Variants in TOX3 observed in about 807,000 individuals in gnomAD.
TOX3 encodes the protein CAG trinucleotide repeat-containing gene F9 protein.
Under a neutral mutation model 64.3 loss-of-function variants are expected in TOX3, and 22 were observed. The observed-to-expected ratio is 0.34, with a 90% CI of 0.24 to 0.49. The LOEUF is 0.49. Among genes scored for constraint, TOX3 ranks in the 20% least tolerant of loss-of-function variants. The pLI is 0.99. For missense variants in TOX3, 661 were observed against 714.4 expected (o/e 0.93, Z 0.85); for synonymous variants, 291 against 273.6 (o/e 1.06, Z -0.63).
chr16:52,475,301 T>A (rs892280327), intron 1 of TOX3, among the ~76,000 whole-genome samples: 1 of 152,168 alleles, frequency 6.6e-6, no homozygotes, highest in African/African-American at 2.4e-5. Flanking sequence ...AATGAATTTC[T>A]GGGTGCAAAA....
At position 52,464,068 on chromosome 16, in the gene TOX3, T is replaced by A; in HGVS notation, c.274A>T (p.Ser92Cys). 1 of 1,604,096 alleles carries A rather than the reference T, an allele frequency of 6.2e-7. No homozygotes were observed. Among genetic ancestry groups the A allele is most frequent in the South Asian group, 1.1e-5 (1 of 88,846 alleles). Reference sequence around the variant, plus strand: ...CTTCCCTGGGAAGGCAATGGATCGCTGAGGGCTTGAAAGGGTAGCAGTACA... The same window carrying A: ...CTTCCCTGGGAAGGCAATGGATCGCAGAGGGCTTGAAAGGGTAGCAGTACA... ...PDVLLPFQAL[S>C]DPLPSQGSEF... The change falls in exon 3 of 7, where the codon AGC becomes TGC. Residue 92 changes from serine to cysteine, a missense_variant. Ser to Cys is a moderately radical substitution (Grantham distance 112, BLOSUM62 -1). Transcript: ENST00000219746.
In TOX3 at chr16:52,439,138, C is replaced by A; in HGVS notation, c.*87G>T. ...CTGTTACACATTTCTGCATAACCAA[C>A]ACCAACTTACAGGTTTCAGCCACAT... On this transcript the variant is annotated 3_prime_UTR_variant, in exon 7 of 7. Transcript: ENST00000219746. 1 of 1,579,726 alleles carries A rather than the reference C, an allele frequency of 6.3e-7. No homozygotes were observed. The highest frequency in any genetic ancestry group is 8.6e-7 in the Non-Finnish European group (1 of 1,160,916).
intron 1 of TOX3, among the ~76,000 whole-genome samples, chr16:52,510,050 C>T (rs1962261144): frequency 7.3e-5 from 11 of 151,264 alleles, no homozygotes; most frequent in Admixed American, 7.3e-4. Flanking sequence ...CAGCTCTATT[C>T]TTTCATTCCC....
Position 52,438,938 on chromosome 16 carries a change from C to G in TOX3, c.*287G>C, listed in dbSNP as rs372022963. ...TCAGTATGTCCCAGGATTCATTAAACAGTTTGATTCACATATTGTAGGTAT... is the reference window on the plus strand; with the variant it reads ...TCAGTATGTCCCAGGATTCATTAAAGAGTTTGATTCACATATTGTAGGTAT... On this transcript the variant is annotated 3_prime_UTR_variant, in exon 7 of 7. Coordinates refer to ENST00000219746, the MANE Select transcript of TOX3 (RefSeq NM_001080430.4). The G allele has an allele frequency of 1.7e-6, 1 of 578,230 alleles. No individual in the cohort carries two copies. Among genetic ancestry groups the G allele is most frequent in the Non-Finnish European group, 3.3e-6 (1 of 299,758 alleles). 35.8% of individuals were successfully genotyped at this position (578,230 alleles called of 1,614,324 possible). A position where few individuals can be genotyped will look rare whatever the true frequency, so the allele number is the denominator to read the frequency against.
chr16:52,453,256 T>C (rs1365947937), intron 3 of TOX3, among the ~76,000 whole-genome samples: 1 of 151,508 alleles, frequency 6.6e-6, no homozygotes, highest in Non-Finnish European at 1.5e-5. Context: ...CCATCTCGGC[T>C]CACTGCAACC....
In TOX3 at chr16:52,546,845, C is replaced by A. The variant is rs1963207723; in HGVS notation, c.-122G>T. The A allele has an allele frequency of 3.2e-6, 4 of 1,234,754 alleles. No homozygotes were observed. The highest frequency in any genetic ancestry group is 3.0e-6 in the Non-Finnish European group (3 of 988,460). 76.5% of individuals were successfully genotyped at this position (1,234,754 alleles called of 1,614,324 possible). On this transcript the variant is annotated 5_prime_UTR_variant, in exon 1 of 7. Transcript: ENST00000219746. Reference sequence around the variant, plus strand: ...GGGGGTGGCGCGTGGGACTCGCGGCCGGAGGGGCGCCGGGACCCAGAGCCC... The same window carrying A: ...GGGGGTGGCGCGTGGGACTCGCGGCAGGAGGGGCGCCGGGACCCAGAGCCC...
At chr16:52,507,465 C>T (rs551107335) in intron 1 of TOX3, among the ~76,000 whole-genome samples, 35 of 152,262 alleles carry the variant, frequency 2.3e-4, no homozygotes, top group Non-Finnish European at 4.6e-4. Flanking sequence ...CTGCAGGCTA[C>T]GTGACTTAAA....
intron 6 of TOX3, among the ~76,000 whole-genome samples, chr16:52,440,197 A>G (rs1959921472): frequency 1.3e-5 from 2 of 152,066 alleles, no homozygotes; most frequent in Non-Finnish European, 2.9e-5. Context: ...GGCTAACAGA[A>G]TGTGATGACA....
At chr16:52,491,946 C>T (rs1048761434) in intron 1 of TOX3, among the ~76,000 whole-genome samples, 28 of 151,996 alleles carry the variant, frequency 1.8e-4, no homozygotes, top group African/African-American at 4.8e-4. Flanking sequence ...GATGAAGCTG[C>T]GCTCGGGGCT....
intron 1 of TOX3, among the ~76,000 whole-genome samples, chr16:52,532,775 A>T (rs1294164917): frequency 1.3e-5 from 2 of 152,224 alleles, no homozygotes; most frequent in African/African-American, 2.4e-5. Flanking sequence ...GGAAAGCTGT[A>T]GACAAGACAA....
At chr16:52,456,191 C>T (rs1005090802) in intron 3 of TOX3, among the ~76,000 whole-genome samples, 1 of 152,194 alleles carries the variant, frequency 6.6e-6, no homozygotes, top group African/African-American at 2.4e-5. Context: ...AAGTTTAAAG[C>T]ATGGTATATA....
At chr16:52,504,164 T>A (rs12934513) in intron 1 of TOX3, among the ~76,000 whole-genome samples, 24,593 of 152,132 alleles carry the variant, frequency 0.16, 2,310 homozygotes, top group Middle Eastern at 0.25. Context: ...TATTTTCCCA[T>A]AAGAAGTTCA....
chr16:52,478,370 A>G (rs559254758), intron 1 of TOX3, among the ~76,000 whole-genome samples: 1 of 152,082 alleles, frequency 6.6e-6, no homozygotes, highest in African/African-American at 2.4e-5. Flanking sequence ...TTCTATCCCT[A>G]CTTTACGCAG....
At chr16:52,455,672 A>G (rs1960493431) in intron 3 of TOX3, among the ~76,000 whole-genome samples, 1 of 152,176 alleles carries the variant, frequency 6.6e-6, no homozygotes, top group Non-Finnish European at 1.5e-5. Context: ...CAAAAAAGAT[A>G]GTATTTGAGC....
intron 1 of TOX3, among the ~76,000 whole-genome samples, chr16:52,472,194 T>C (rs1961069079): frequency 6.6e-6 from 1 of 152,114 alleles, no homozygotes. Flanking sequence ...CAACAAATAT[T>C]TATGTGCCTA....
Position 52,546,687 on chromosome 16 carries a change from G to A in TOX3, c.37C>T (p.Pro13Ser). The change falls in exon 1 of 7, where the codon CCT (proline) becomes TCT (serine). Residue 13 changes from proline (P) to serine (S), a missense_variant. Pro to Ser is a moderately conservative substitution (Grantham distance 74). Around this residue, in one of 3 missense-constraint regions of TOX3, gnomAD observed 259 missense variants for 261.2 expected, o/e 0.99. Coordinates refer to ENST00000219746, the MANE Select transcript of TOX3 (RefSeq NM_001080430.4). The part of the protein sequence containing the change: ...VRFYPAAAGD[P>S]ASLDFAQCLG... ...CACTGCGCGAAGTCCAGGCTGGCAG[G>A]GTCCCCGGCCGCCGCGGGGTAGAAC... The A allele has an allele frequency of 2.6e-6, 4 of 1,542,808 alleles. No homozygotes were observed. Among genetic ancestry groups the A allele is most frequent in the Non-Finnish European group, 3.5e-6 (4 of 1,147,998 alleles).
intron 3 of TOX3, among the ~76,000 whole-genome samples, chr16:52,452,530 G>A (rs997839693): frequency 3.3e-5 from 5 of 151,796 alleles, no homozygotes; most frequent in Non-Finnish European, 7.4e-5. Context: ...CTATTGTTGT[G>A]GGGTGGGGGG....
intron 4 of TOX3, among the ~76,000 whole-genome samples, chr16:52,448,487 A>G (rs1345440431): frequency 6.6e-6 from 1 of 152,150 alleles, no homozygotes; most frequent in African/African-American, 2.4e-5. Context: ...GTCTTTAACC[A>G]TTACTTCTCA....
intron 1 of TOX3, among the ~76,000 whole-genome samples, chr16:52,524,797 C>T (rs913327585): frequency 2.6e-5 from 4 of 152,068 alleles, no homozygotes; most frequent in African/African-American, 7.2e-5. Context: ...AATCTGGCCT[C>T]GACCATCCTC....
Sources: allele counts gnomAD v4.1 joint callset (sites outside exome capture counted in the v4.1 genomes callset), GRCh38; gene constraint gnomAD v4.1.1; regional missense constraint gnomAD v4.1.1; transcripts MANE v1.5; gene names NCBI Gene and HGNC (gene_info 2026-07-23, HGNC 2026-07-21).